PHKA2: variants seen among roughly 807,000 people sequenced by gnomAD.
PHKA2 encodes the protein phosphorylase kinase regulatory subunit alpha 2.
A neutral mutation model predicts 102.0 loss-of-function variants in PHKA2; 31 were observed. The observed-to-expected ratio is 0.30, with a 90% confidence interval of 0.23 to 0.41. The LOEUF (loss-of-function observed/expected upper bound fraction) is 0.41, where lower values mean the gene tolerates loss of function less well. Ranked by LOEUF, PHKA2 falls within the 10% of genes least tolerant of loss-of-function variation. The pLI, the probability that PHKA2 is intolerant of heterozygous loss-of-function variation, is 1.00. For missense variants in PHKA2, 858 were observed against 1,023.1 expected (o/e 0.84, Z 2.20); for synonymous variants, 455 against 416.2 (o/e 1.09, Z -1.13).
intron 10 of PHKA2, among the ~76,000 whole-genome samples, chrX:18,936,557 C>T (rs2048396968): frequency 8.9e-6 from 1 of 112,382 alleles, no homozygotes; most frequent in Non-Finnish European, 1.9e-5. Context: ...AATTTTGTCT[C>T]AGTAACCGGA....
rs145249891 is a variant in PHKA2 at position 18,893,947 on chromosome X, G to A, written c.3537+257C>T. The A allele has an allele frequency of 1.8e-3, 812 of 457,262 alleles. 8 individuals carry two copies. The highest frequency in any genetic ancestry group is 0.015 in the African/African-American group (624 of 41,383). The allele number at this position is 457,262 out of a possible 1,213,427, so 37.7% of individuals were successfully genotyped here. ...CTTGACTTTGTGTACAGGGTAAGGG[G>A]TTCACCCATGGTCACATGTGTTGCA... On this transcript the variant is annotated intron_variant, in intron 32 of 32. Coordinates refer to ENST00000379942, the MANE Select transcript of PHKA2 (RefSeq NM_000292.3).
At chrX:18,950,756 C>T (rs2048668848) in intron 4 of PHKA2, among the ~76,000 whole-genome samples, 1 of 112,354 alleles carries the variant, frequency 8.9e-6, no homozygotes, top group South Asian at 3.6e-4. Flanking sequence ...CTCCTCCCAT[C>T]CTACATATCC....
At chrX:18,960,686 C>T (rs1033978504) in intron 1 of PHKA2, among the ~76,000 whole-genome samples, 9 of 112,254 alleles carry the variant, frequency 8.0e-5, no homozygotes, top group Non-Finnish European at 1.7e-4. Flanking sequence ...GCTCCACCTC[C>T]AAAACTGGGG....
At chrX:18,908,686 C>T in intron 21 of PHKA2, 115 bp downstream of exon 21, 1 of 652,722 alleles carries the variant, frequency 1.5e-6, no homozygotes. Flanking sequence ...ATCAAATCGG[C>T]CTTGAGTTTC....
intron 18 of PHKA2, 146 bp downstream of exon 18, chrX:18,919,886 A>T (rs1282778768): frequency 3.8e-6 from 2 of 532,048 alleles, no homozygotes; most frequent in Non-Finnish European, 6.5e-6. Flanking sequence ...ATTTTAATAT[A>T]TGCAAGTTTC....
At chrX:18,931,308 T>A (rs1447808763) in intron 12 of PHKA2, among the ~76,000 whole-genome samples, 1 of 111,481 alleles carries the variant, frequency 9.0e-6, no homozygotes, top group Non-Finnish European at 1.9e-5. Flanking sequence ...AAATCTTGTA[T>A]CTTCTAGGAT....
chrX:18,924,136 T>C lies in PHKA2; in HGVS notation c.1715-2A>G, dbSNP rs969748175. The C allele has an allele frequency of 8.4e-7, 1 of 1,195,237 alleles. No individual in the cohort carries two copies. Among genetic ancestry groups the C allele is most frequent in the Non-Finnish European group, 1.1e-6 (1 of 881,336 alleles). ...AATGAATGTCTGAGCCATCATTTGCTAAGGAAAAAAAGTGATGAATTAGTT... is the reference window on the plus strand; with the variant it reads ...AATGAATGTCTGAGCCATCATTTGCCAAGGAAAAAAAGTGATGAATTAGTT... On this transcript the variant is annotated splice_acceptor_variant, in intron 16 of 32. Transcript: ENST00000379942. LOFTEE classifies it high-confidence loss of function.
chrX:18,925,264 A>C (rs954139388), intron 15 of PHKA2, among the ~76,000 whole-genome samples: 1 of 112,515 alleles, frequency 8.9e-6, no homozygotes, highest in African/African-American at 3.2e-5. Context: ...AAAGCTCTCC[A>C]GTAAGTTCCA....
At chrX:18,944,224 T>TA (rs1163883853) in intron 6 of PHKA2, among the ~76,000 whole-genome samples, 3 of 112,160 alleles carry the variant, frequency 2.7e-5, no homozygotes, top group African/African-American at 9.7e-5. Flanking sequence ...GTGTTCTACC[T>TA]AAAAATGAAT....
intron 1 of PHKA2, among the ~76,000 whole-genome samples, chrX:18,969,528 T>C (rs1248047356): frequency 2.7e-5 from 3 of 112,118 alleles, no homozygotes; most frequent in African/African-American, 6.5e-5. Context: ...GTTTTTTTTT[T>C]CCTTTTCTTC....
chrX:18,902,991 C>T (rs765738844), intron 26 of PHKA2: 1 of 111,829 alleles, frequency 8.9e-6, no homozygotes, highest in Non-Finnish European at 1.9e-5. Flanking sequence ...AAACTGAGAC[C>T]ACTGAACTAC....
At chrX:18,979,136 AAAAC>A (rs748715889) in intron 1 of PHKA2, among the ~76,000 whole-genome samples, 5 of 111,797 alleles carry the variant, frequency 4.5e-5, no homozygotes, top group Admixed American at 9.5e-5. Context: ...ACTGTCTCAA[AAAAC>A]AAACAAACAA....
intron 28 of PHKA2, among the ~76,000 whole-genome samples, chrX:18,900,142 A>G (rs1443410360): frequency 5.4e-5 from 6 of 111,817 alleles, no homozygotes; most frequent in African/African-American, 2.0e-4. Context: ...CGGCCTTTAC[A>G]TGTCATTAAG....
chrX:18,982,448 T>C (rs1342484222), intron 1 of PHKA2, among the ~76,000 whole-genome samples: 1 of 112,482 alleles, frequency 8.9e-6, no homozygotes, highest in Non-Finnish European at 1.9e-5. Flanking sequence ...GCAGTTATTA[T>C]GGTATATATA....
intron 1 of PHKA2, among the ~76,000 whole-genome samples, chrX:18,957,738 T>TTTTATATATATATATATATATATATA (rs1556017565): frequency 5.0e-4 from 48 of 95,131 alleles, no homozygotes; most frequent in African/African-American, 2.0e-3. Flanking sequence ...TAAAACCAGA[T>TTTTATATATATATATATATATATATA]TATATATATA....
chrX:18,905,900 G>C, intron 25 of PHKA2, 41 bp from the exon 26 acceptor site: 1 of 1,009,742 alleles, frequency 9.9e-7, no homozygotes, highest in Non-Finnish European at 1.4e-6. Flanking sequence ...ACACAGGGCT[G>C]GTGGCGGGTA....
chrX:18,900,593 G>A lies in PHKA2; in HGVS notation c.3057+77C>T, dbSNP rs374287787. 4.4e-4 allele frequency: 407 copies of A among 930,445 alleles called. 2 individuals carry two copies. In the African/African-American group the frequency reaches 7.0e-3, roughly 16 times the overall value. The allele number at this position is 930,445 out of a possible 1,213,427, so 76.7% of individuals were successfully genotyped here. On this transcript the variant is annotated intron_variant, in intron 28 of 32. Coordinates refer to ENST00000379942, the MANE Select transcript of PHKA2 (RefSeq NM_000292.3). ...CGCCCTCTACACATTCACACGCTGC[G>A]GAGTCACAGCCTCACTTTCCACATT... is the stretch of plus-strand genomic sequence containing the variant.
At position 18,952,534 on chromosome X, in the gene PHKA2, A is replaced by C; in HGVS notation, c.245T>G (p.Val82Gly). ...CTGGAGAAGACCTCGCATCAGCTTC[A>C]CCACGTTCTGTGGAGATAAAGCAGA... ...AKAYELEQNVVKLMRGLLQCM... is the reference protein window; with the variant it reads ...AKAYELEQNVGKLMRGLLQCM... The change falls in exon 3 of 33, where the codon GTG (valine) becomes GGG (glycine). Residue 82 changes from valine (V) to glycine (G), a missense_variant. Physicochemically the swap from Val to Gly is moderately radical, Grantham distance 109. Coordinates refer to ENST00000379942, the MANE Select transcript of PHKA2 (RefSeq NM_000292.3). 1 of 1,209,934 alleles carries C rather than the reference A, an allele frequency of 8.3e-7. No homozygotes were observed. The highest frequency in any genetic ancestry group is 1.1e-6 in the Non-Finnish European group (1 of 894,084).
At chrX:18,899,347 C>A in intron 28 of PHKA2, 121 bp from the exon 29 acceptor site, 1 of 614,237 alleles carries the variant, frequency 1.6e-6, no homozygotes. Flanking sequence ...AATGCGGGCG[C>A]AGAGAAGGTG....
Sources: gnomAD v4.1 joint callset for allele counts (sites outside exome capture counted in the v4.1 genomes callset) on GRCh38, gnomAD v4.1.1 for gene constraint, MANE v1.5 for transcripts, NCBI Gene and HGNC (gene_info 2026-07-23, HGNC 2026-07-21) for gene names.